Variants in SYNDIG1 observed in about 807,000 individuals in gnomAD.
SYNDIG1 encodes the protein synapse differentiation-inducing gene protein 1.
Under a neutral mutation model 19.4 loss-of-function variants are expected in SYNDIG1, and 9 were observed. The observed-to-expected ratio is 0.46, with a 90% CI of 0.28 to 0.81. The LOEUF (loss-of-function observed/expected upper bound fraction) is 0.81. SYNDIG1 is among the 30% of genes least tolerant of loss of function. The pLI, the probability that SYNDIG1 is intolerant of heterozygous loss-of-function variation, is 0.12. For missense variants in SYNDIG1, 311 were observed against 343.3 expected, an observed-to-expected ratio of 0.91 and a Z score of 0.74; for synonymous variants, 141 against 145.9, an observed-to-expected ratio of 0.97 and a Z score of 0.24.
intron 2 of SYNDIG1, 110 bp from the exon 3 acceptor site, chr20:24,584,746 C>T (rs1388482286): frequency 2.0e-6 from 3 of 1,492,226 alleles, no homozygotes; most frequent in Admixed American, 3.7e-5. Context: ...GCAGCTGCCT[C>T]CCGGGGAGGG....
At chr20:24,641,836 A>C (rs2059380071) in intron 3 of SYNDIG1, among the ~76,000 whole-genome samples, 1 of 152,158 alleles carries the variant, frequency 6.6e-6, no homozygotes. Flanking sequence ...TCAACTTTTT[A>C]TTTTAGAATG....
At chr20:24,551,881 T>C (rs1195507393) in intron 2 of SYNDIG1, among the ~76,000 whole-genome samples, 1 of 152,194 alleles carries the variant, frequency 6.6e-6, no homozygotes, top group Non-Finnish European at 1.5e-5. Context: ...GATTGAGACT[T>C]GATATGTGGC....
intron 3 of SYNDIG1, among the ~76,000 whole-genome samples, chr20:24,624,615 G>T (rs73345377): frequency 0.031 from 4,773 of 152,312 alleles, 216 homozygotes; most frequent in African/African-American, 0.1. Flanking sequence ...TCATTTGTCA[G>T]TAATTGATAG....
At chr20:24,583,057 T>A (rs1239222149) in intron 2 of SYNDIG1, among the ~76,000 whole-genome samples, 1 of 152,202 alleles carries the variant, frequency 6.6e-6, no homozygotes. Context: ...AAATATGCCG[T>A]ACCAGGGAGC....
At chr20:24,583,497 ATC>A (rs1474931055) in intron 2 of SYNDIG1, among the ~76,000 whole-genome samples, 1 of 152,208 alleles carries the variant, frequency 6.6e-6, no homozygotes, top group East Asian at 1.9e-4. Context: ...AGAAAACAAT[ATC>A]TGGAATAAGA....
intron 3 of SYNDIG1, among the ~76,000 whole-genome samples, chr20:24,627,466 G>C (rs1022724887): frequency 6.6e-6 from 1 of 152,146 alleles, no homozygotes; most frequent in African/African-American, 2.4e-5. Flanking sequence ...CTGGGTGCTT[G>C]GGTTTTGAGA....
intron 2 of SYNDIG1, among the ~76,000 whole-genome samples, chr20:24,553,139 C>T (rs1299109528): frequency 1.3e-5 from 2 of 151,538 alleles, no homozygotes; most frequent in Non-Finnish European, 2.9e-5. Context: ...TGTCCTTCGC[C>T]CACTTTTTGA....
At chr20:24,596,248 C>T (rs1206973695) in intron 3 of SYNDIG1, among the ~76,000 whole-genome samples, 2 of 152,134 alleles carry the variant, frequency 1.3e-5, no homozygotes, top group Admixed American at 6.5e-5. Flanking sequence ...TGTTTAATTT[C>T]CATATAAGTG....
chr20:24,602,319 T>A (rs1414111609), intron 3 of SYNDIG1, among the ~76,000 whole-genome samples: 1 of 152,238 alleles, frequency 6.6e-6, no homozygotes, highest in African/African-American at 2.4e-5. Context: ...TCAGATAAGT[T>A]ATTTCTTTGC....
At chr20:24,497,466 G>T (rs1716925165) in intron 1 of SYNDIG1, among the ~76,000 whole-genome samples, 1 of 152,168 alleles carries the variant, frequency 6.6e-6, no homozygotes, top group African/African-American at 2.4e-5. Context: ...CTCCCAAAGG[G>T]CTGGGATTAC....
chr20:24,663,367 G>A (rs1340428122), intron 3 of SYNDIG1, among the ~76,000 whole-genome samples: 6 of 152,208 alleles, frequency 3.9e-5, no homozygotes, highest in African/African-American at 1.2e-4. Context: ...TGATTCTCAA[G>A]CAGACACACC....
At chr20:24,521,375 A>C (rs984311349) in intron 1 of SYNDIG1, among the ~76,000 whole-genome samples, 2 of 152,080 alleles carry the variant, frequency 1.3e-5, no homozygotes, top group Admixed American at 1.3e-4. Flanking sequence ...TGACACAATC[A>C]CACCTGCTTT....
chr20:24,629,653 G>A (rs1159510638), intron 3 of SYNDIG1, among the ~76,000 whole-genome samples: 1 of 152,190 alleles, frequency 6.6e-6, no homozygotes, highest in Non-Finnish European at 1.5e-5. Flanking sequence ...ACGCCGTGCT[G>A]TAGGAACACG....
chr20:24,576,864 C>T (rs1451233326), intron 2 of SYNDIG1, among the ~76,000 whole-genome samples: 1 of 152,176 alleles, frequency 6.6e-6, no homozygotes, highest in African/African-American at 2.4e-5. Context: ...AGCCATGGAT[C>T]TCTTCCCATC....
intron 1 of SYNDIG1, chr20:24,495,564 C>T (rs2056278354): frequency 6.6e-6 from 1 of 152,280 alleles, no homozygotes; most frequent in Admixed American, 6.5e-5. Context: ...TGACTCGCAA[C>T]CCAGCCTCCA....
chr20:24,578,820 G>C (rs2146985982), intron 2 of SYNDIG1, among the ~76,000 whole-genome samples: 1 of 152,324 alleles, frequency 6.6e-6, no homozygotes, highest in East Asian at 1.9e-4. Flanking sequence ...CGCAAGGTCA[G>C]AGATCACCAG....
At chr20:24,556,804 G>T (rs1409905910) in intron 2 of SYNDIG1, among the ~76,000 whole-genome samples, 1 of 152,138 alleles carries the variant, frequency 6.6e-6, no homozygotes, top group African/African-American at 2.4e-5. Flanking sequence ...TCTTCTCAAG[G>T]AGTATCTTCA....
chr20:24,488,564 A>G (rs1487362094), intron 1 of SYNDIG1, among the ~76,000 whole-genome samples: 2 of 152,256 alleles, frequency 1.3e-5, no homozygotes, highest in Admixed American at 6.5e-5. Flanking sequence ...CTGATGAAGG[A>G]CAGAATTCTT....
chr20:24,636,804 A>G (rs2059320802), intron 3 of SYNDIG1, among the ~76,000 whole-genome samples: 1 of 152,236 alleles, frequency 6.6e-6, no homozygotes, highest in South Asian at 2.1e-4. Flanking sequence ...GCTGCTTTTC[A>G]TTAAAAGGAA....
Sources: allele counts gnomAD v4.1 joint callset (sites outside exome capture counted in the v4.1 genomes callset), GRCh38; gene constraint gnomAD v4.1.1; transcripts MANE v1.5; gene names NCBI Gene and HGNC (gene_info 2026-07-23, HGNC 2026-07-21).